ABCB1: variants seen among roughly 807,000 people sequenced by gnomAD.
ABCB1 encodes the protein ATP binding cassette subfamily B member 1, also known as ATP-dependent translocase ABCB1.
ABCB1 carries 69 observed loss-of-function variants against 142.0 expected under a neutral mutation model. The ratio of observed to expected loss-of-function variants is 0.49; its 90% CI spans 0.40 to 0.59. ABCB1 has a LOEUF of 0.59. Ranked by LOEUF, ABCB1 falls within the 20% of genes least tolerant of loss-of-function variation. ABCB1 has a pLI of 0.00. For synonymous variants in ABCB1, 532 were observed against 539.2 expected, an observed-to-expected ratio of 0.99 and a Z score of 0.18; for missense variants, 1,326 against 1,554.7, an observed-to-expected ratio of 0.85 and a Z score of 2.47.
Position 87,561,460 on chromosome 7 carries a change from T to C in ABCB1, c.703-73A>G, listed in dbSNP as rs564860905. The C allele has an allele frequency of 1.2e-5, 17 of 1,422,298 alleles. No individual in the cohort carries two copies. In the East Asian group the frequency reaches 3.2e-4, roughly 27 times the overall value. 88.1% of individuals were successfully genotyped at this position (1,422,298 alleles called of 1,614,324 possible). A position where few individuals can be genotyped will look rare whatever the true frequency, so the allele number is the denominator to read the frequency against. ...ATCTTTTGTAAAGTAAAAATAAATGTATACATAAATGCTGCTTATACATTA... is the reference window on the plus strand; with the variant it reads ...ATCTTTTGTAAAGTAAAAATAAATGCATACATAAATGCTGCTTATACATTA... On this transcript the variant is annotated intron_variant, in intron 7 of 27. Transcript: ENST00000622132.
At chr7:87,591,686 C>T (rs1449968948) in intron 3 of ABCB1, among the ~76,000 whole-genome samples, 2 of 151,910 alleles carry the variant, frequency 1.3e-5, no homozygotes, top group Non-Finnish European at 2.9e-5. Context: ...CAATCAAATG[C>T]CAAAGTCCTC....
At chr7:87,581,649 G>A (rs557433516) in intron 4 of ABCB1, among the ~76,000 whole-genome samples, 5 of 152,292 alleles carry the variant, frequency 3.3e-5, no homozygotes, top group African/African-American at 9.6e-5. Context: ...TTAAGGCAAA[G>A]TATTGGGACG....
Position 87,546,034 on chromosome 7 carries a change from G to C in ABCB1, c.1726-10C>G, listed in dbSNP as rs747016353. 1.9e-6 allele frequency: 3 copies of C among 1,614,004 alleles called. No individual in the cohort carries two copies. In the South Asian group the frequency reaches 3.3e-5, roughly 18 times the overall value. On this transcript the variant is annotated splice_polypyrimidine_tract_variant and intron_variant, in intron 14 of 27. Transcript: ENST00000622132. ...TCCGACCTTTTCTGGCCTAAAGAGA[G>C]AGAAATTTGGTTTTTGAATACATTA...
At chr7:87,698,324 G>C (rs1828688474) in intron 1 of ABCB1, among the ~76,000 whole-genome samples, 1 of 152,070 alleles carries the variant, frequency 6.6e-6, no homozygotes, top group South Asian at 2.1e-4. Flanking sequence ...ATGGTCTCCT[G>C]ACCACATGAT....
upstream of ABCB1, among the ~76,000 whole-genome samples, chr7:87,605,109 TC>T (rs759128154): frequency 3.9e-5 from 6 of 152,136 alleles, no homozygotes; most frequent in Non-Finnish European, 8.8e-5. Context: ...CCTTCAAAGA[TC>T]CGTTGCCATG....
intron 2 of ABCB1, among the ~76,000 whole-genome samples, chr7:87,596,925 AGCCTTT>A (rs1819234005): frequency 1.3e-5 from 2 of 152,086 alleles, no homozygotes; most frequent in Admixed American, 1.3e-4. Context: ...TTTAGCTCTA[AGCCTTT>A]TATTTATTTT....
Position 87,552,329 on chromosome 7 carries a change from T to C in ABCB1, c.999+1432A>G, listed in dbSNP as rs146632201. ...CAGAAGGAACTTTGCTAAGTGATTC[T>C]ATATTCATTATCTCAGTTAGTCCTC... is the stretch of plus-strand genomic sequence containing the variant. On this transcript the variant is annotated intron_variant, in intron 9 of 27. Coordinates refer to ENST00000622132, the MANE Select transcript of ABCB1 (RefSeq NM_001348946.2). 2.2e-4 allele frequency among the ~76,000 whole-genome samples: 33 copies of C among 152,348 alleles called. No homozygotes were observed. In the East Asian group the frequency reaches 5.8e-3, roughly 27 times the overall value.
rs1261252294 is a variant in ABCB1, at chr7:87,628,580, CGTGCGTGTGTGTGT to C, written c.-330-27516_-330-27503del. The C allele has an allele frequency of 1.6e-4, 46 of 292,746 alleles. 1 individual carries two copies. The highest frequency in any genetic ancestry group is 2.3e-4 in the South Asian group (1 of 4,284). 18.1% of individuals were successfully genotyped at this position (292,746 alleles called of 1,614,324 possible). A position where few individuals can be genotyped will look rare whatever the true frequency, so the allele number is the denominator to read the frequency against. ...GCGCCGAGGGCGGAGGTGGTGCGTG[CGTGCGTGTGTGTGT>C]GTGTGTGTGTGTGTGTGTGTGTGTG... On this transcript the variant is annotated intron_variant, in intron 1 of 28. Transcript: ENST00000265724.
chr7:87,625,334 A>G (rs1217568568), intron 1 of ABCB1, among the ~76,000 whole-genome samples: 1 of 152,216 alleles, frequency 6.6e-6, no homozygotes, highest in Admixed American at 6.5e-5. Flanking sequence ...TTTCAGTCAT[A>G]GTTCACAGTG....
At chr7:87,552,387 C>T (rs111848167) in intron 9 of ABCB1, among the ~76,000 whole-genome samples, 44 of 152,252 alleles carry the variant, frequency 2.9e-4, no homozygotes, top group African/African-American at 1.0e-3. Context: ...TCATTCCTGT[C>T]ATATCATTTG....
intron 4 of ABCB1, among the ~76,000 whole-genome samples, chr7:87,575,497 C>T (rs1177689732): frequency 6.6e-6 from 1 of 151,998 alleles, no homozygotes; most frequent in Non-Finnish European, 1.5e-5. Flanking sequence ...CACTGCTGAC[C>T]TATTTAGCAC....
chr7:87,527,520 G>A (rs1230090953), intron 21 of ABCB1, among the ~76,000 whole-genome samples: 2 of 152,168 alleles, frequency 1.3e-5, no homozygotes, highest in Non-Finnish European at 2.9e-5. Context: ...TATGTATCAA[G>A]CAGTTCAACT....
In ABCB1 at chr7:87,585,467, T is replaced by A. The variant is rs373384416; in HGVS notation, c.286+45A>T. The A allele has an allele frequency of 5.0e-6, 8 of 1,602,048 alleles. No homozygotes were observed. In the African/African-American group the frequency reaches 1.1e-4, roughly 21 times the overall value. ...ATAAACATCACTCTAAGTGCTTGTT[T>A]TTGCTGCAAGTTTCCAATAAAATTG... On this transcript the variant is annotated intron_variant, in intron 4 of 27. Transcript: ENST00000622132.
intron 4 of ABCB1, among the ~76,000 whole-genome samples, chr7:87,582,641 G>A (rs888974039): frequency 3.9e-5 from 6 of 152,224 alleles, no homozygotes; most frequent in South Asian, 2.1e-4. Flanking sequence ...CAGACCATAC[G>A]GTTTGTACAA....
At chr7:87,578,783 TC>T (rs1400754447) in intron 4 of ABCB1, among the ~76,000 whole-genome samples, 11 of 145,530 alleles carry the variant, frequency 7.6e-5, no homozygotes, top group African/African-American at 2.8e-4. Context: ...AAGCTCCGCC[TC>T]CCGGGTTCAC....
At chr7:87,628,340 A>C in intron 1 of ABCB1, 1 of 152,416 alleles carries the variant, frequency 6.6e-6, no homozygotes, top group Non-Finnish European at 1.5e-5. Context: ...CGGCGGGGGT[A>C]GCGTTGATTT....
chr7:87,704,027 TCTC>T (rs960509735), intron 1 of ABCB1, among the ~76,000 whole-genome samples: 46 of 146,000 alleles, frequency 3.2e-4, no homozygotes, highest in Non-Finnish European at 5.3e-4. Context: ...CTCAAGCAAT[TCTC>T]CTGCCTCAAC....
At chr7:87,626,094 ATATATTGT>A (rs1820443584) in intron 1 of ABCB1, among the ~76,000 whole-genome samples, 1 of 125,572 alleles carries the variant, frequency 8.0e-6, no homozygotes, top group Non-Finnish European at 1.7e-5. Flanking sequence ...ATATATATAT[ATATATTGT>A]CATATATATG....
At position 87,506,119 on chromosome 7, in the gene ABCB1, T is replaced by C. The variant is rs2235069; in HGVS notation, c.3490-76A>G. On this transcript the variant is annotated intron_variant, in intron 26 of 27. Coordinates refer to ENST00000622132, the MANE Select transcript of ABCB1 (RefSeq NM_001348946.2). Reference sequence around the variant, plus strand: ...AACAGCTTGCTTATAGAAAGTAGGATAGACGATTCTATATACTCCAAAAAT... The same window carrying C: ...AACAGCTTGCTTATAGAAAGTAGGACAGACGATTCTATATACTCCAAAAAT... The C allele has an allele frequency of 4.8e-6, 7 of 1,465,556 alleles. No individual in the cohort carries two copies. The African/African-American group carries it at 8.4e-5, about 17-fold the overall frequency. The allele number at this position is 1,465,556 out of a possible 1,614,324, so 90.8% of individuals were successfully genotyped here. A position where few individuals can be genotyped will look rare whatever the true frequency, so the allele number is the denominator to read the frequency against.
Sources: gnomAD v4.1 joint callset for allele counts (sites outside exome capture counted in the v4.1 genomes callset) on GRCh38, gnomAD v4.1.1 for gene constraint, MANE v1.5 for transcripts, NCBI Gene and HGNC (gene_info 2026-07-23, HGNC 2026-07-21) for gene names.